CNTNAP2: variants seen among roughly 807,000 people sequenced by gnomAD.
CNTNAP2 encodes contactin-associated protein-like 2.
In CNTNAP2, 98 loss-of-function variants were observed where a neutral mutation model predicts 155.2. The ratio of observed to expected loss-of-function variants is 0.63; its 90% CI spans 0.54 to 0.75. The LOEUF (loss-of-function observed/expected upper bound fraction) is 0.75, where lower values mean the gene tolerates loss of function less well. Among genes scored for constraint, CNTNAP2 ranks in the 30% least tolerant of loss-of-function variants. The pLI, the probability that CNTNAP2 is intolerant of heterozygous loss-of-function variation, is 0.00. For synonymous variants in CNTNAP2, 651 were observed against 631.2 expected, an observed-to-expected ratio of 1.03 and a Z score of -0.47; for missense variants, 1,727 against 1,688.1, an observed-to-expected ratio of 1.02 and a Z score of -0.40.
chr7:147,981,597 C>T (rs553937608), intron 15 of CNTNAP2, among the ~76,000 whole-genome samples: 9 of 152,306 alleles, frequency 5.9e-5, no homozygotes, highest in African/African-American at 2.2e-4. Context: ...AGAATGAAAC[C>T]ATTTTTGTGG....
chr7:148,143,361 G>A (rs116323163), intron 16 of CNTNAP2, among the ~76,000 whole-genome samples: 3,010 of 152,250 alleles, frequency 0.02, 106 homozygotes, highest in African/African-American at 0.068. Context: ...GAAATCCTAA[G>A]GTAGATGGCT....
chr7:146,811,423 A>T (rs752215263), intron 2 of CNTNAP2, among the ~76,000 whole-genome samples: 1 of 152,138 alleles, frequency 6.6e-6, no homozygotes, highest in Non-Finnish European at 1.5e-5. Context: ...TTGTTGGCAT[A>T]TAAGAGTTCA....
chr7:147,147,351 C>G (rs2129288622), intron 8 of CNTNAP2, among the ~76,000 whole-genome samples: 1 of 152,210 alleles, frequency 6.6e-6, no homozygotes, highest in South Asian at 2.1e-4. Flanking sequence ...CAAACCATAT[C>G]AGTATATAAA....
chr7:146,880,513 G>A (rs1279076708), intron 3 of CNTNAP2, among the ~76,000 whole-genome samples: 1 of 152,002 alleles, frequency 6.6e-6, no homozygotes, highest in Admixed American at 6.6e-5. Context: ...TTAAAATTAA[G>A]TAAATAAAGA....
At chr7:146,691,696 G>C (rs1354303145) in intron 1 of CNTNAP2, among the ~76,000 whole-genome samples, 6 of 152,146 alleles carry the variant, frequency 3.9e-5, no homozygotes, top group South Asian at 2.1e-4. Flanking sequence ...TTTACTGAAT[G>C]TTAGAGCCAG....
intron 1 of CNTNAP2, among the ~76,000 whole-genome samples, chr7:146,766,216 A>T (rs997488407): frequency 2.6e-5 from 4 of 152,204 alleles, no homozygotes; most frequent in Non-Finnish European, 2.9e-5. Flanking sequence ...AATAAAGTTG[A>T]TGTCTTTTGC....
chr7:146,324,419 G>A (rs1468604698), intron 1 of CNTNAP2, among the ~76,000 whole-genome samples: 1 of 152,130 alleles, frequency 6.6e-6, no homozygotes, highest in African/African-American at 2.4e-5. Context: ...ATCATCGGTG[G>A]TAGTTTTGCT....
intron 1 of CNTNAP2, among the ~76,000 whole-genome samples, chr7:146,513,213 T>A (rs1320531387): frequency 6.6e-6 from 1 of 151,966 alleles, no homozygotes; most frequent in African/African-American, 2.4e-5. Flanking sequence ...TTGTTAGAAG[T>A]ATATAGTTAT....
At chr7:146,390,748 A>C (rs943463430) in intron 1 of CNTNAP2, among the ~76,000 whole-genome samples, 2 of 148,466 alleles carry the variant, frequency 1.3e-5, no homozygotes, top group African/African-American at 4.9e-5. Flanking sequence ...AAACTAATAT[A>C]TATTATTATA....
chr7:147,621,404 T>TA (rs1397478143), intron 12 of CNTNAP2, among the ~76,000 whole-genome samples: 1 of 151,820 alleles, frequency 6.6e-6, no homozygotes, highest in African/African-American at 2.4e-5. Flanking sequence ...GATGAACCAA[T>TA]AAAAAATAAA....
chr7:146,795,183 C>T (rs1278900433), intron 2 of CNTNAP2, among the ~76,000 whole-genome samples: 1 of 152,132 alleles, frequency 6.6e-6, no homozygotes, highest in Non-Finnish European at 1.5e-5. Flanking sequence ...CCTTATATAG[C>T]TTAGTGGAGA....
chr7:146,972,902 T>G (rs1228099877), intron 3 of CNTNAP2, among the ~76,000 whole-genome samples: 1 of 152,214 alleles, frequency 6.6e-6, no homozygotes, highest in Non-Finnish European at 1.5e-5. Flanking sequence ...CACTAATGAA[T>G]TAAACACACA....
intron 17 of CNTNAP2, among the ~76,000 whole-genome samples, chr7:148,167,617 C>A (rs1557965): frequency 1.3e-5 from 2 of 151,982 alleles, no homozygotes; most frequent in African/African-American, 2.4e-5. Flanking sequence ...GAGGGAGAGC[C>A]TGTGAACCGT....
intron 1 of CNTNAP2, among the ~76,000 whole-genome samples, chr7:146,333,835 AC>A (rs1290745249): frequency 6.6e-6 from 1 of 152,202 alleles, no homozygotes; most frequent in Non-Finnish European, 1.5e-5. Flanking sequence ...TTCTAGGATC[AC>A]CATGCTTATC....
intron 10 of CNTNAP2, among the ~76,000 whole-genome samples, chr7:147,457,188 G>A (rs1584958688): frequency 6.6e-6 from 1 of 152,204 alleles, no homozygotes; most frequent in South Asian, 2.1e-4. Flanking sequence ...TGAAAAGGGC[G>A]AGAACAAAGA....
At chr7:147,431,603 C>A (rs1268211807) in intron 10 of CNTNAP2, among the ~76,000 whole-genome samples, 1 of 152,200 alleles carries the variant, frequency 6.6e-6, no homozygotes, top group Non-Finnish European at 1.5e-5. Flanking sequence ...CATCACTCAA[C>A]CAAGACAGCC....
intron 1 of CNTNAP2, among the ~76,000 whole-genome samples, chr7:146,479,990 GGC>G (rs1796935864): frequency 6.6e-6 from 1 of 151,968 alleles, no homozygotes. Context: ...TCACCAGGTT[GGC>G]CAGACTAGTC....
At chr7:146,648,006 A>T (rs1175806296) in intron 1 of CNTNAP2, among the ~76,000 whole-genome samples, 1 of 152,068 alleles carries the variant, frequency 6.6e-6, no homozygotes, top group African/African-American at 2.4e-5. Context: ...CACAATTCTT[A>T]TCCCATCAGA....
intron 13 of CNTNAP2, among the ~76,000 whole-genome samples, chr7:147,770,637 T>A (rs1797454597): frequency 6.6e-6 from 1 of 152,184 alleles, no homozygotes; most frequent in Admixed American, 6.5e-5. Context: ...AAATATCAAG[T>A]AATTCTGCAT....
Sources: allele counts gnomAD v4.1 joint callset (sites outside exome capture counted in the v4.1 genomes callset), GRCh38; gene constraint gnomAD v4.1.1; transcripts MANE v1.5; gene names NCBI Gene and HGNC (gene_info 2026-07-23, HGNC 2026-07-21).